The following KRABD5 variants were observed in gnomAD, a reference collection of about 807,000 sequenced individuals.
The protein encoded by KRABD5 is KRAB domain-containing protein 5.
the KRABD5 span, chr16:31,759,386 A>T: frequency 6.5e-7 from 1 of 1,537,914 alleles, no homozygotes; most frequent in Non-Finnish European, 8.8e-7. Flanking sequence ...AAAAAAATCA[A>T]CAAGATAATC....
chr16:31,744,417 G>A, the KRABD5 span, among the ~76,000 whole-genome samples: 2 of 152,036 alleles, frequency 1.3e-5, no homozygotes, highest in Admixed American at 6.6e-5. Context: ...TTTATATGAC[G>A]GATTACGTTT....
At chr16:31,748,603 C>T in the KRABD5 span, among the ~76,000 whole-genome samples, 42 of 152,286 alleles carry the variant, frequency 2.8e-4, no homozygotes, top group East Asian at 7.7e-3. Context: ...GTCAATTCTT[C>T]CGTCTCATCT....
At chr16:31,745,386 TC>T in the KRABD5 span, among the ~76,000 whole-genome samples, 1 of 152,206 alleles carries the variant, frequency 6.6e-6, no homozygotes, top group South Asian at 2.1e-4. Flanking sequence ...TTCCCAGGAA[TC>T]ATGCAGGAGC....
chr16:31,722,721 G>A, the KRABD5 span: 18 of 1,610,580 alleles, frequency 1.1e-5, no homozygotes, highest in Non-Finnish European at 1.5e-5. Context: ...GGGATGTGAT[G>A]TTAGAGAACT....
At chr16:31,736,333 C>T in the KRABD5 span, among the ~76,000 whole-genome samples, 2 of 151,076 alleles carry the variant, frequency 1.3e-5, no homozygotes, top group Admixed American at 1.3e-4. Context: ...TAGTGTGATG[C>T]CTTGAGCCTG....
At chr16:31,726,570 G>A in the KRABD5 span, among the ~76,000 whole-genome samples, 1 of 152,176 alleles carries the variant, frequency 6.6e-6, no homozygotes, top group Admixed American at 6.5e-5. Context: ...AGACCAGCCT[G>A]GCCAACATGG....
At chr16:31,713,292 C>T in the KRABD5 span, 4 of 1,218,432 alleles carry the variant, frequency 3.3e-6, no homozygotes, top group Middle Eastern at 5.8e-4. Flanking sequence ...TCAGTCTCTT[C>T]ACCAGGGGCT....
chr16:31,736,641 C>T, the KRABD5 span, among the ~76,000 whole-genome samples: 8 of 151,676 alleles, frequency 5.3e-5, no homozygotes, highest in Non-Finnish European at 1.0e-4. Context: ...CCTCAGCCTC[C>T]CAAGTAGCTG....
the KRABD5 span, among the ~76,000 whole-genome samples, chr16:31,732,913 A>G: frequency 6.6e-6 from 1 of 152,134 alleles, no homozygotes; most frequent in Non-Finnish European, 1.5e-5. Context: ...TATCTAAAGC[A>G]TTATTTTTTA....
the KRABD5 span, among the ~76,000 whole-genome samples, chr16:31,729,527 C>T: frequency 6.6e-6 from 1 of 152,120 alleles, no homozygotes; most frequent in Non-Finnish European, 1.5e-5. Context: ...GCTCTCATGG[C>T]CTAATCACTT....
At chr16:31,726,178 C>T in the KRABD5 span, among the ~76,000 whole-genome samples, 1 of 152,144 alleles carries the variant, frequency 6.6e-6, no homozygotes, top group African/African-American at 2.4e-5. Flanking sequence ...TGTTCAATTT[C>T]ATCCTTTTGC....
At chr16:31,713,978 C>G in the KRABD5 span, among the ~76,000 whole-genome samples, 1 of 152,234 alleles carries the variant, frequency 6.6e-6, no homozygotes, top group Admixed American at 6.5e-5. Context: ...GGGACAATCT[C>G]TCTTCCACTT....
the KRABD5 span, among the ~76,000 whole-genome samples, chr16:31,733,787 C>T: frequency 6.6e-6 from 1 of 152,136 alleles, no homozygotes; most frequent in Non-Finnish European, 1.5e-5. Flanking sequence ...GTTTAATCTG[C>T]TCATCCATAA....
chr16:31,755,005 T>A, the KRABD5 span: 1 of 466,202 alleles, frequency 2.1e-6, no homozygotes, highest in Non-Finnish European at 4.4e-6. Flanking sequence ...ATTCTTCAAA[T>A]CTTCTTGTGC....
chr16:31,732,328 T>A, the KRABD5 span, among the ~76,000 whole-genome samples: 5 of 152,272 alleles, frequency 3.3e-5, no homozygotes, highest in African/African-American at 1.2e-4. Flanking sequence ...ATCTTGCTTA[T>A]GTTTCTAATC....
the KRABD5 span, chr16:31,755,426 C>T: frequency 2.1e-6 from 1 of 485,130 alleles, no homozygotes. Flanking sequence ...TAGTTCATCC[C>T]TTACTAAACA....
the KRABD5 span, among the ~76,000 whole-genome samples, chr16:31,747,087 C>CCATTAACTCGTCATTTAG: frequency 6.6e-6 from 1 of 151,442 alleles, no homozygotes; most frequent in Non-Finnish European, 1.5e-5. Context: ...TGTGCTGCAC[C>CCATTAACTCGTCATTTAG]CATTAACTCG....
chr16:31,713,277 A>G, the KRABD5 span: 2 of 1,002,178 alleles, frequency 2.0e-6, no homozygotes, highest in Non-Finnish European at 3.0e-6. Flanking sequence ...GGCTGCAGTA[A>G]GAGCTCAGTC....
chr16:31,735,722 C>T, the KRABD5 span, among the ~76,000 whole-genome samples: 2 of 152,092 alleles, frequency 1.3e-5, no homozygotes, highest in Non-Finnish European at 2.9e-5. Flanking sequence ...GTCTTCTTTT[C>T]ACTAATGTCT....
Sources: gnomAD v4.1 joint callset for allele counts (sites outside exome capture counted in the v4.1 genomes callset) on GRCh38, gnomAD v4.1.1 for gene constraint, MANE v1.5 for transcripts, NCBI Gene and HGNC (gene_info 2026-07-23, HGNC 2026-07-21) for gene names.